The following EPHB1 variants were observed in gnomAD, a reference collection of about 807,000 sequenced individuals.
EPHB1 encodes the protein ephrin type-B receptor 1.
Under a neutral mutation model 94.4 loss-of-function variants are expected in EPHB1, and 30 were observed. The observed-to-expected ratio is 0.32, with a 90% confidence interval of 0.24 to 0.43. The LOEUF (loss-of-function observed/expected upper bound fraction) is 0.43. Among genes scored for constraint, EPHB1 ranks in the 20% least tolerant of loss-of-function variants. The probability of loss-of-function intolerance (pLI) is 1.00; values close to 1 mark genes in which losing one functional copy is unlikely to be tolerated. For synonymous variants in EPHB1, 522 were observed against 489.1 expected, an observed-to-expected ratio of 1.07 and a Z score of -0.89; for missense variants, 1,055 against 1,308.3, an observed-to-expected ratio of 0.81 and a Z score of 2.99.
intron 1 of EPHB1, among the ~76,000 whole-genome samples, chr3:134,844,916 G>A (rs749129785): frequency 4.6e-5 from 7 of 152,168 alleles, no homozygotes; most frequent in Non-Finnish European, 1.0e-4. Flanking sequence ...TCCTGGCTGT[G>A]GAGTCCCTGG....
intron 3 of EPHB1, among the ~76,000 whole-genome samples, chr3:134,968,709 C>T (rs1933857456): frequency 6.6e-6 from 1 of 152,076 alleles, no homozygotes; most frequent in African/African-American, 2.4e-5. Context: ...TTTCTGCTAC[C>T]CCTCTATAGT....
intron 3 of EPHB1, among the ~76,000 whole-genome samples, chr3:134,972,860 C>T (rs577623977): frequency 5.3e-5 from 8 of 152,232 alleles, no homozygotes; most frequent in African/African-American, 1.7e-4. Context: ...TGGGAGCAGG[C>T]CAAATGGCCG....
intron 4 of EPHB1, among the ~76,000 whole-genome samples, chr3:135,130,840 A>AT (rs1317233346): frequency 1.3e-5 from 2 of 152,160 alleles, no homozygotes. Context: ...TTGAGATGAG[A>AT]AACAGGGGCC....
intron 3 of EPHB1, among the ~76,000 whole-genome samples, chr3:135,060,690 C>A (rs1356341611): frequency 1.3e-5 from 2 of 151,930 alleles, no homozygotes; most frequent in Admixed American, 1.3e-4. Flanking sequence ...TTATGGGATA[C>A]ATGAGATGTT....
chr3:135,164,914 TGTAA>T (rs768968826), intron 7 of EPHB1, among the ~76,000 whole-genome samples: 10 of 152,224 alleles, frequency 6.6e-5, no homozygotes, highest in Non-Finnish European at 1.2e-4. Context: ...TATGTTTTAG[TGTAA>T]GTATCTCCCA....
At chr3:134,865,746 A>G (rs6439530) in intron 1 of EPHB1, among the ~76,000 whole-genome samples, 48,122 of 152,024 alleles carry the variant, frequency 0.32, 9,032 homozygotes, top group African/African-American at 0.53. Flanking sequence ...AGCAAGATGC[A>G]AAACAGAGTG....
rs753407361 is a variant in EPHB1 at position 135,132,920 on chromosome 3, C to G, written c.1168C>G (p.Arg390Gly). 2 of 1,614,012 alleles carry G rather than the reference C, an allele frequency of 1.2e-6. No individual in the cohort carries two copies. The highest frequency in any genetic ancestry group is 1.7e-6 in the Non-Finnish European group (2 of 1,179,888). ...VPRQLGLTECRVSISSLWAHT... is the reference protein window; with the variant it reads ...VPRQLGLTECGVSISSLWAHT... ...CAGGCAGCTGGGCCTGACGGAGTGC[C>G]GCGTCTCCATCAGCAGCCTGTGGGC... Residue 390 changes from arginine to glycine, a missense_variant, in exon 5 of 16, where the codon CGC becomes GGC. Coordinates refer to ENST00000398015, the MANE Select transcript of EPHB1 (RefSeq NM_004441.5).
At chr3:134,882,757 C>T (rs9681135) in intron 1 of EPHB1, among the ~76,000 whole-genome samples, 4,375 of 14,478 alleles carry the variant, frequency 0.3, 224 homozygotes, top group South Asian at 0.42. Context: ...TTCCTTTCTT[C>T]CTTCCTTCCT....
chr3:134,818,939 T>A (rs550899939), intron 1 of EPHB1, among the ~76,000 whole-genome samples: 1 of 152,160 alleles, frequency 6.6e-6, no homozygotes, highest in African/African-American at 2.4e-5. Context: ...TGTTTCGAGG[T>A]GAGCAGAGAA....
At chr3:135,110,468 G>A (rs937035258) in intron 4 of EPHB1, among the ~76,000 whole-genome samples, 1 of 152,162 alleles carries the variant, frequency 6.6e-6, no homozygotes, top group Non-Finnish European at 1.5e-5. Flanking sequence ...AGTGGCAGGG[G>A]CAGGGGTTTT....
At chr3:135,122,046 G>T (rs1031313918) in intron 4 of EPHB1, among the ~76,000 whole-genome samples, 3 of 152,214 alleles carry the variant, frequency 2.0e-5, no homozygotes, top group Non-Finnish European at 4.4e-5. Context: ...CAGGGGGATA[G>T]ATCTCCACTA....
At chr3:135,142,666 G>A (rs758415723) in intron 5 of EPHB1, among the ~76,000 whole-genome samples, 20 of 152,156 alleles carry the variant, frequency 1.3e-4, no homozygotes, top group Non-Finnish European at 2.5e-4. Flanking sequence ...TTTGAAAATC[G>A]AGTGACTTTA....
At position 134,795,543 on chromosome 3, in the gene EPHB1, C is replaced by T; in HGVS notation, c.-89C>T. The T allele has an allele frequency of 7.7e-7, 1 of 1,294,452 alleles. No homozygotes were observed. Among genetic ancestry groups the T allele is most frequent in the South Asian group, 1.3e-5 (1 of 76,006 alleles). 80.2% of individuals were successfully genotyped at this position (1,294,452 alleles called of 1,614,324 possible). A position where few individuals can be genotyped will look rare whatever the true frequency, so the allele number is the denominator to read the frequency against. On this transcript the variant is annotated 5_prime_UTR_variant, in exon 1 of 16. Coordinates refer to ENST00000398015, the MANE Select transcript of EPHB1 (RefSeq NM_004441.5). ...CGCGAAAGGATACCGAGAAGCCACC[C>T]GCGGAGAGCGCAGCGGCGCCCTGGG...
intron 1 of EPHB1, among the ~76,000 whole-genome samples, chr3:134,805,693 G>A (rs1254923815): frequency 6.6e-5 from 10 of 152,096 alleles, no homozygotes; most frequent in Non-Finnish European, 2.9e-5. Context: ...CATCTGTCCC[G>A]TGTGCCTCTG....
At chr3:135,155,572 G>C (rs1941326527) in intron 6 of EPHB1, among the ~76,000 whole-genome samples, 1 of 151,274 alleles carries the variant, frequency 6.6e-6, no homozygotes, top group South Asian at 2.1e-4. Context: ...GGGAGGCTGA[G>C]GCAGGCAGAT....
intron 3 of EPHB1, among the ~76,000 whole-genome samples, chr3:135,061,373 C>CCCG (rs145463693): frequency 7.4e-6 from 1 of 135,794 alleles, no homozygotes; most frequent in East Asian, 2.7e-4. Context: ...TGACCACCCC[C>CCCG]CCCGACCCAA....
intron 1 of EPHB1, among the ~76,000 whole-genome samples, chr3:134,870,398 C>T: frequency 6.6e-6 from 1 of 152,202 alleles, no homozygotes; most frequent in East Asian, 1.9e-4. Flanking sequence ...AGATACCATC[C>T]TCTAGCCCCA....
intron 6 of EPHB1, among the ~76,000 whole-genome samples, chr3:135,161,363 T>C (rs1377883453): frequency 6.6e-6 from 1 of 152,052 alleles, no homozygotes; most frequent in African/African-American, 2.4e-5. Flanking sequence ...ACATGCCCGC[T>C]CTGAATGCTG....
intron 8 of EPHB1, 89 bp from the exon 9 acceptor site, chr3:135,166,853 C>G (rs1471554345): frequency 7.2e-7 from 1 of 1,392,310 alleles, no homozygotes; most frequent in African/African-American, 1.4e-5. Context: ...CGGGTGAGCC[C>G]CTATCTGGCC....
Sources: allele counts gnomAD v4.1 joint callset (sites outside exome capture counted in the v4.1 genomes callset), GRCh38; gene constraint gnomAD v4.1.1; transcripts MANE v1.5; gene names NCBI Gene and HGNC (gene_info 2026-07-23, HGNC 2026-07-21).